Variants in ASH1L observed in about 807,000 individuals in gnomAD.
ASH1L encodes ASH1 like histone lysine methyltransferase.
A neutral mutation model predicts 269.0 loss-of-function variants in ASH1L; 23 were observed. The ratio of observed to expected loss-of-function variants is 0.09; its 90% confidence interval spans 0.06 to 0.12. The LOEUF is 0.12. ASH1L is among the 10% of genes least tolerant of loss of function. The pLI, the probability that ASH1L is intolerant of heterozygous loss-of-function variation, is 1.00. For synonymous variants in ASH1L, 1,187 were observed against 1,253.5 expected (o/e 0.95, Z 1.12); for missense variants, 2,912 against 3,567.8 (o/e 0.82, Z 4.68).
intron 15 of ASH1L, among the ~76,000 whole-genome samples, chr1:155,355,429 AT>A (rs1166457933): frequency 6.6e-6 from 1 of 152,232 alleles, no homozygotes; most frequent in East Asian, 1.9e-4. Context: ...CCATTATTCA[AT>A]TTCCACAACA....
chr1:155,385,954 G>A (rs1250463455), intron 7 of ASH1L, among the ~76,000 whole-genome samples: 1 of 152,076 alleles, frequency 6.6e-6, no homozygotes, highest in Non-Finnish European at 1.5e-5. Context: ...GCTAGGTGTT[G>A]GTAAAAGTCT....
Position 155,344,189 on chromosome 1 carries a change from G to A in ASH1L, c.7975C>T (p.Arg2659Cys), listed in dbSNP as rs369466292. Residue 2659 changes from arginine to cysteine, a missense_variant, in exon 22 of 28, where the codon CGT (arginine) becomes TGT (cysteine). Arg to Cys is a radical substitution (Grantham distance 180). Coordinates refer to ENST00000392403, the MANE Select transcript of ASH1L (RefSeq NM_018489.3). ...ICLLRDDLLL[R>C]QGDCVYLMRD... is the part of the protein sequence containing the mutation. ...TTAGCTCCTGTATACATACCCTGACGAAGCAGCAAGTCATCTCGGAGCAAA... is the reference window on the plus strand; with the variant it reads ...TTAGCTCCTGTATACATACCCTGACAAAGCAGCAAGTCATCTCGGAGCAAA... 18 of 1,614,030 alleles carry A rather than the reference G, an allele frequency of 1.1e-5. No homozygotes were observed. The South Asian group carries it at 1.5e-4, about 14-fold the overall frequency.
rs1654052502 is a variant in ASH1L, at chr1:155,352,857, A to G, written c.7215T>C (p.Asp2405=). 1 of 1,588,110 alleles carries G rather than the reference A, an allele frequency of 6.3e-7. No individual in the cohort carries two copies. The highest frequency in any genetic ancestry group is 8.5e-7 in the Non-Finnish European group (1 of 1,170,892). Residue 2405 remains aspartate (D), a splice_region_variant and synonymous_variant, in exon 17 of 28, where the codon GAT becomes GAC. Coordinates refer to ENST00000392403, the MANE Select transcript of ASH1L (RefSeq NM_018489.3). ...ICRDDGNIKS[D]VFMTQFSALQ... ...GGGCAGAGAACTGGGTCATGAAGAC[A>G]TCTGGAAAAATAAAGTGAAAATTAA...
chr1:155,363,881 G>A (rs1251597928), intron 12 of ASH1L, among the ~76,000 whole-genome samples: 1 of 151,896 alleles, frequency 6.6e-6, no homozygotes, highest in Admixed American at 6.6e-5. Flanking sequence ...GCTGAGGCAC[G>A]AGAATCGCTT....
At position 155,387,483 on chromosome 1, in the gene ASH1L, C is replaced by G. The variant is rs577700567; in HGVS notation, c.6104-7367G>C. On this transcript the variant is annotated intron_variant, in intron 7 of 27. Transcript: ENST00000392403. ...TTTCTGGGTTCTCTATTCTGTTTCA[C>G]TGGTCTATGTGTCTGCTCTTGTATC... 7.2e-5 allele frequency among the ~76,000 whole-genome samples: 11 copies of G among 152,264 alleles called. No homozygotes were observed. The East Asian group carries it at 2.1e-3, about 29-fold the overall frequency.
rs1665853650 is a variant in ASH1L at position 155,480,163 on chromosome 1, T to C, written c.2707A>G (p.Met903Val). ...PKRQMRSPVK[M>V]KPPVLSVAPF... is the part of the protein sequence containing the mutation. ...GCCACTGACAGTACAGGTGGCTTCA[T>C]CTTGACTGGTGACCTCATTTGCCTC... Residue 903 changes from methionine to valine, a missense_variant, in exon 3 of 28, where the codon ATG becomes GTG. By Grantham distance (21) the Met-to-Val change is conservative. Around this residue, in one of 13 missense-constraint regions of ASH1L, gnomAD observed 715 missense variants for 721.0 expected, o/e 0.99. Coordinates refer to ENST00000392403, the MANE Select transcript of ASH1L (RefSeq NM_018489.3). 6.2e-7 allele frequency: 1 copy of C among 1,614,044 alleles called. No individual in the cohort carries two copies. The highest frequency in any genetic ancestry group is 8.5e-7 in the Non-Finnish European group (1 of 1,180,002).
intron 19 of ASH1L, among the ~76,000 whole-genome samples, chr1:155,348,921 C>A (rs910085332): frequency 1.3e-5 from 2 of 148,972 alleles, no homozygotes; most frequent in African/African-American, 4.9e-5. Context: ...TACACACACA[C>A]ACACACACAC....
At chr1:155,536,740 A>G (rs907775909) in intron 1 of ASH1L, among the ~76,000 whole-genome samples, 4 of 151,912 alleles carry the variant, frequency 2.6e-5, no homozygotes, top group African/African-American at 9.7e-5. Context: ...CTCTAAAAAA[A>G]GTTAAAAGAA....
intron 1 of ASH1L, among the ~76,000 whole-genome samples, chr1:155,524,743 G>A (rs1669121762): frequency 6.6e-6 from 1 of 151,934 alleles, no homozygotes; most frequent in Admixed American, 6.6e-5. Flanking sequence ...AAGAGGCCGA[G>A]GTGGGAAGAT....
At chr1:155,354,987 A>G (rs955113291) in intron 15 of ASH1L, among the ~76,000 whole-genome samples, 20 of 152,218 alleles carry the variant, frequency 1.3e-4, no homozygotes, top group African/African-American at 4.6e-4. Flanking sequence ...AAATGAAGGC[A>G]AAGACACGTA....
intron 6 of ASH1L, among the ~76,000 whole-genome samples, chr1:155,397,931 A>G (rs1330179276): frequency 6.6e-6 from 1 of 152,178 alleles, no homozygotes; most frequent in African/African-American, 2.4e-5. Flanking sequence ...AATGATTTTT[A>G]ATTTATTTAC....
At chr1:155,434,451 T>C (rs548256446) in intron 5 of ASH1L, among the ~76,000 whole-genome samples, 6 of 151,406 alleles carry the variant, frequency 4.0e-5, no homozygotes, top group African/African-American at 1.5e-4. Context: ...AATGATGTTC[T>C]TGATTTTAAT....
At chr1:155,426,131 C>A (rs1257774170) in intron 5 of ASH1L, among the ~76,000 whole-genome samples, 4 of 152,078 alleles carry the variant, frequency 2.6e-5, no homozygotes, top group Non-Finnish European at 5.9e-5. Flanking sequence ...ATGGCACGAT[C>A]TTGGCTCACT....
chr1:155,352,820 G>C lies in ASH1L; in HGVS notation c.7252C>G (p.Arg2418Gly). 2 of 1,613,728 alleles carry C rather than the reference G, an allele frequency of 1.2e-6. No homozygotes were observed. The highest frequency in any genetic ancestry group is 1.7e-6 in the Non-Finnish European group (2 of 1,179,862). Residue 2418 changes from arginine (R) to glycine (G), a missense_variant, in exon 17 of 28, where the codon CGA becomes GGA. By Grantham distance (125) the Arg-to-Gly change is moderately radical (BLOSUM62 -2). Coordinates refer to ENST00000392403, the MANE Select transcript of ASH1L (RefSeq NM_018489.3). ...GCCAACCGTCTTGTTCGAACAGATC[G>C]AGCTGTCTGCAGGGCAGAGAACTGG... ...MTQFSALQTARSVRTRRLAAA... is the reference protein window; with the variant it reads ...MTQFSALQTAGSVRTRRLAAA...
At chr1:155,405,280 C>T (rs1208163833) in intron 6 of ASH1L, among the ~76,000 whole-genome samples, 1 of 151,648 alleles carries the variant, frequency 6.6e-6, no homozygotes, top group Non-Finnish European at 1.5e-5. Context: ...GTCAGGAGTT[C>T]GAGACCAGCC....
At chr1:155,389,711 T>C (rs1464348976) in intron 7 of ASH1L, among the ~76,000 whole-genome samples, 3 of 152,102 alleles carry the variant, frequency 2.0e-5, no homozygotes, top group Non-Finnish European at 2.9e-5. Flanking sequence ...CACATCTATA[T>C]GCAGGTTTTT....
At chr1:155,432,291 C>T (rs958437641) in intron 5 of ASH1L, among the ~76,000 whole-genome samples, 1 of 152,094 alleles carries the variant, frequency 6.6e-6, no homozygotes, top group Non-Finnish European at 1.5e-5. Context: ...TAGCATAGTC[C>T]TTACTTTTTC....
chr1:155,484,928 C>CAAAAAAAAAAAA (rs761331437), intron 2 of ASH1L, among the ~76,000 whole-genome samples: 9 of 82,702 alleles, frequency 1.1e-4, no homozygotes, highest in African/African-American at 2.8e-4. Flanking sequence ...TGCTCTGTCT[C>CAAAAAAAAAAAA]AAAAAAAAAA....
intron 6 of ASH1L, among the ~76,000 whole-genome samples, chr1:155,403,846 C>T (rs902063481): frequency 6.6e-6 from 1 of 150,962 alleles, no homozygotes; most frequent in African/African-American, 2.4e-5. Flanking sequence ...AGCTGTATCC[C>T]CTCTTTCACT....
Sources: allele counts gnomAD v4.1 joint callset (sites outside exome capture counted in the v4.1 genomes callset), GRCh38; gene constraint gnomAD v4.1.1; regional missense constraint gnomAD v4.1.1; transcripts MANE v1.5; gene names NCBI Gene and HGNC (gene_info 2026-07-23, HGNC 2026-07-21).